Variants in TNRC6A observed in about 807,000 individuals in gnomAD.
TNRC6A encodes trinucleotide repeat containing adaptor 6A, also known as trinucleotide repeat-containing gene 6A protein.
In TNRC6A, 44 loss-of-function variants were observed where a neutral mutation model predicts 221.2. The observed-to-expected ratio is 0.20, with a 90% CI of 0.16 to 0.26. The LOEUF (loss-of-function observed/expected upper bound fraction) is 0.26. Ranked by LOEUF, TNRC6A falls within the 10% of genes least tolerant of loss-of-function variation. TNRC6A has a pLI of 1.00. For missense variants in TNRC6A, 2,199 were observed against 2,404.4 expected, an observed-to-expected ratio of 0.91 and a Z score of 1.79; for synonymous variants, 847 against 838.5, an observed-to-expected ratio of 1.01 and a Z score of -0.18.
intron 2 of TNRC6A, among the ~76,000 whole-genome samples, chr16:24,649,210 A>G (rs1902481889): frequency 1.3e-5 from 2 of 152,236 alleles, no homozygotes; most frequent in Non-Finnish European, 2.9e-5. Context: ...TGGTGTTTTT[A>G]TATATGTATA....
intron 11 of TNRC6A, 40 bp downstream of exon 11, chr16:24,798,006 G>A: frequency 6.5e-7 from 1 of 1,543,352 alleles, no homozygotes; most frequent in Non-Finnish European, 8.9e-7. Context: ...CTCATTGAGG[G>A]ACACGCACAT....
intron 2 of TNRC6A, among the ~76,000 whole-genome samples, chr16:24,742,012 T>G (rs2151301168): frequency 6.6e-6 from 1 of 152,282 alleles, no homozygotes; most frequent in East Asian, 1.9e-4. Flanking sequence ...AATTTTTTAA[T>G]TTTTGTAGAG....
At chr16:24,810,784 G>A (rs1294378954) in intron 18 of TNRC6A, among the ~76,000 whole-genome samples, 6 of 152,116 alleles carry the variant, frequency 3.9e-5, no homozygotes, top group Non-Finnish European at 2.9e-5. Context: ...GAAAATGATG[G>A]GTGCCTAGAG....
chr16:24,709,627 C>A (rs7194918), intron 2 of TNRC6A, among the ~76,000 whole-genome samples: 27,002 of 151,672 alleles, frequency 0.18, 3,564 homozygotes, highest in East Asian at 0.36. Context: ...GAGTTCCAGT[C>A]CAGCCTGGGC....
At chr16:24,709,695 C>G (rs1025840972) in intron 2 of TNRC6A, among the ~76,000 whole-genome samples, 1 of 151,542 alleles carries the variant, frequency 6.6e-6, no homozygotes, top group East Asian at 2.0e-4. Flanking sequence ...CATGGTGGCA[C>G]AAGCCTGTAG....
chr16:24,681,451 C>A (rs1296525474), intron 2 of TNRC6A, among the ~76,000 whole-genome samples: 2 of 152,190 alleles, frequency 1.3e-5, no homozygotes, highest in African/African-American at 4.8e-5. Context: ...TAGTCTCAAA[C>A]TCCTGACCTC....
At chr16:24,690,142 T>A (rs1275573399) in intron 2 of TNRC6A, among the ~76,000 whole-genome samples, 2 of 151,288 alleles carry the variant, frequency 1.3e-5, no homozygotes, top group African/African-American at 4.9e-5. Context: ...CTTGAGTAGC[T>A]GAAACTACAG....
intron 2 of TNRC6A, among the ~76,000 whole-genome samples, chr16:24,702,539 T>C (rs1242379210): frequency 6.6e-6 from 1 of 152,168 alleles, no homozygotes; most frequent in East Asian, 1.9e-4. Context: ...GCAGATTAGA[T>C]TGGACCATAT....
intron 11 of TNRC6A, among the ~76,000 whole-genome samples, chr16:24,800,493 G>A (rs1199504924): frequency 6.6e-6 from 1 of 152,216 alleles, no homozygotes; most frequent in Non-Finnish European, 1.5e-5. Flanking sequence ...CATGATGGCT[G>A]TGAAGAGTGC....
intron 5 of TNRC6A, among the ~76,000 whole-genome samples, chr16:24,780,041 G>C (rs989169869): frequency 6.6e-6 from 1 of 152,052 alleles, no homozygotes; most frequent in African/African-American, 2.4e-5. Context: ...GTTTAATATG[G>C]GGGCCCACAA....
chr16:24,821,151 C>A (rs2058758072), intron 22 of TNRC6A, among the ~76,000 whole-genome samples: 1 of 152,194 alleles, frequency 6.6e-6, no homozygotes, highest in Non-Finnish European at 1.5e-5. Context: ...AAAGTACGTG[C>A]CAAGCTGCTG....
chr16:24,662,123 G>A (rs914657883), intron 2 of TNRC6A: 6 of 151,900 alleles, frequency 3.9e-5, no homozygotes, highest in Non-Finnish European at 7.4e-5. Context: ...GAAATTCCAC[G>A]TATAAAAATT....
intron 11 of TNRC6A, among the ~76,000 whole-genome samples, chr16:24,802,393 G>A (rs747648168): frequency 1.2e-4 from 18 of 152,040 alleles, no homozygotes; most frequent in Non-Finnish European, 2.5e-4. Flanking sequence ...ACAAAAAAAT[G>A]CAAAAATTAG....
chr16:24,766,258 C>T (rs2057469164), intron 4 of TNRC6A, among the ~76,000 whole-genome samples: 1 of 152,152 alleles, frequency 6.6e-6, no homozygotes, highest in Non-Finnish European at 1.5e-5. Flanking sequence ...TTCTGAACTG[C>T]ATTTGCCTCA....
chr16:24,633,786 CTT>C (rs59714465), intron 1 of TNRC6A, among the ~76,000 whole-genome samples: 44 of 144,834 alleles, frequency 3.0e-4, no homozygotes, highest in East Asian at 1.9e-3. Flanking sequence ...ATTTATCTCT[CTT>C]TTTTTTTTTT....
chr16:24,712,912 T>TGC (rs1222545731), intron 2 of TNRC6A, among the ~76,000 whole-genome samples: 5 of 16,460 alleles, frequency 3.0e-4, no homozygotes, highest in Admixed American at 6.9e-4. Flanking sequence ...TGCCACTGTG[T>TGC]GTGTGTGTGT....
chr16:24,706,543 C>T (rs1030825476), intron 2 of TNRC6A, among the ~76,000 whole-genome samples: 3 of 151,872 alleles, frequency 2.0e-5, no homozygotes, highest in Non-Finnish European at 4.4e-5. Context: ...AACCCCATCT[C>T]CACTAAAAAT....
intron 2 of TNRC6A, among the ~76,000 whole-genome samples, chr16:24,687,140 T>C (rs12599171): frequency 0.066 from 10,028 of 152,076 alleles, 821 homozygotes; most frequent in East Asian, 0.32. Flanking sequence ...TGTGAGTCCA[T>C]AGGAGGGAGA....
At chr16:24,622,651 C>T (rs1900736274) in intron 1 of TNRC6A, among the ~76,000 whole-genome samples, 1 of 152,148 alleles carries the variant, frequency 6.6e-6, no homozygotes, top group South Asian at 2.1e-4. Context: ...AAAGCAGATG[C>T]AAGCCATGCT....
Sources: gnomAD v4.1 joint callset for allele counts (sites outside exome capture counted in the v4.1 genomes callset) on GRCh38, gnomAD v4.1.1 for gene constraint, MANE v1.5 for transcripts, NCBI Gene and HGNC (gene_info 2026-07-23, HGNC 2026-07-21) for gene names.